The following SURF1 variants were observed in gnomAD, a reference collection of about 807,000 sequenced individuals.
SURF1 encodes surfeit locus protein 1.
Under a neutral mutation model 34.1 loss-of-function variants are expected in SURF1, and 45 were observed. The ratio of observed to expected loss-of-function variants is 1.32; its 90% CI spans 1.04 to 1.69. The LOEUF (loss-of-function observed/expected upper bound fraction) is 1.69, where lower values mean the gene tolerates loss of function less well. SURF1 is among the 40% of genes most tolerant of loss of function. SURF1 has a pLI of 0.00. For synonymous variants in SURF1, 188 were observed against 147.5 expected, an observed-to-expected ratio of 1.27 and a Z score of -1.99; for missense variants, 456 against 384.6, an observed-to-expected ratio of 1.19 and a Z score of -1.55.
At position 133,356,393 on chromosome 9, in the gene SURF1, C is replaced by T; in HGVS notation, c.54+7G>A. The T allele has an allele frequency of 7.2e-7, 1 of 1,396,938 alleles. No individual in the cohort carries two copies. The allele number at this position is 1,396,938 out of a possible 1,614,324, so 86.5% of individuals were successfully genotyped here. ...CCCGCACCCCGCACCCCGCACCCGG[C>T]GCTCACCCGTCCCAGCCCCGCCGCC... On this transcript the variant is annotated splice_region_variant and intron_variant, in intron 1 of 8. Coordinates refer to ENST00000371974, the MANE Select transcript of SURF1 (RefSeq NM_003172.4).
In SURF1 at chr9:133,352,105, G is replaced by C. The variant is rs2130004627; in HGVS notation, c.789C>G (p.Thr263=). The part of the protein sequence containing the change: ...TVPGGPIGGQ[T]RVTLRNEHLQ... ...GATGCTCGTTCCTCAGAGTAACTCTGGTTTGCCCTCCAATGGGTCCTCCAG... is the reference window on the plus strand; with the variant it reads ...GATGCTCGTTCCTCAGAGTAACTCTCGTTTGCCCTCCAATGGGTCCTCCAG... The change falls in exon 8 of 9, where the codon ACC becomes ACG. Residue 263 remains threonine (T), a synonymous_variant. Transcript: ENST00000371974. The C allele has an allele frequency of 3.1e-6, 5 of 1,609,244 alleles. No individual in the cohort carries two copies. Among genetic ancestry groups the C allele is most frequent in the East Asian group, 4.5e-5 (2 of 44,804 alleles).
intron 2 of SURF1, among the ~76,000 whole-genome samples, chr9:133,355,475 G>C (rs2130021732): frequency 1.3e-5 from 2 of 152,326 alleles, no homozygotes; most frequent in East Asian, 3.9e-4. Flanking sequence ...CTACTCGGGA[G>C]GCTGAGGCAG....
chr9:133,352,138 G>T lies in SURF1; in HGVS notation c.756C>A (p.Ser252Arg). The change falls in exon 8 of 9, where the codon AGC becomes AGA. Residue 252 changes from serine (S) to arginine (R), a missense_variant. By Grantham distance (110) the Ser-to-Arg change is moderately radical (BLOSUM62 -1). Coordinates refer to ENST00000371974, the MANE Select transcript of SURF1 (RefSeq NM_003172.4). ...EPIFIDANFQ[S>R]TVPGGPIGGQ... ...CTCCAATGGGTCCTCCAGGGACTGT[G>T]CTCTCTGTGGAGACAGCAGACTCAA... 6.3e-7 allele frequency: 1 copy of T among 1,597,700 alleles called. No individual in the cohort carries two copies. The highest frequency in any genetic ancestry group is 8.5e-7 in the Non-Finnish European group (1 of 1,171,440).
rs2130014984 is a variant in SURF1 at position 133,353,854 on chromosome 9, C to T, written c.410G>A (p.Arg137Gln). Residue 137 changes from arginine to glutamine, a missense_variant, in exon 5 of 9, where the codon CGG (arginine) becomes CAG (glutamine). By Grantham distance (43) the Arg-to-Gln change is conservative (BLOSUM62 1). Transcript: ENST00000371974. The stretch of plus-strand genomic sequence containing the variant: ...CTCCCGGACAGGGTCCACCATGGTC[C>T]GGGGCATCATATACAGCTCCTTGGA... Reference protein sequence around the residue: ...DHSKELYMMPRTMVDPVREAR... With the variant: ...DHSKELYMMPQTMVDPVREAR... 11 of 1,613,746 alleles carry T rather than the reference C, an allele frequency of 6.8e-6. No homozygotes were observed. The Admixed American group carries it at 8.3e-5, about 12-fold the overall frequency.
At position 133,354,867 on chromosome 9, in the gene SURF1, A is replaced by C; in HGVS notation, c.197T>G (p.Leu66Arg). Residue 66 changes from leucine to arginine, a missense_variant, in exon 3 of 9, where the codon CTG (leucine) becomes CGG (arginine). Leu to Arg is a moderately radical substitution (Grantham distance 102, BLOSUM62 -2). Coordinates refer to ENST00000371974, the MANE Select transcript of SURF1 (RefSeq NM_003172.4). ...AAAGGCAGTCACAGGGATGAGGAGC[A>C]GGACCCACTGAAGAAAGGAGTCATC... ...AEDDSFLQWV[L>R]LLIPVTAFGL... The C allele has an allele frequency of 6.2e-7, 1 of 1,614,070 alleles. No homozygotes were observed. Among genetic ancestry groups the C allele is most frequent in the Non-Finnish European group, 8.5e-7 (1 of 1,180,038 alleles).
Position 133,351,934 on chromosome 9 carries a change from T to G in SURF1, c.882A>C (p.Leu294=). The G allele has an allele frequency of 6.2e-7, 1 of 1,613,806 alleles. No homozygotes were observed. The highest frequency in any genetic ancestry group is 8.5e-7 in the Non-Finnish European group (1 of 1,179,938). ...TCTGTCACACACCAGGTGTCCCACG[T>G]AGGAATTTCTTAAACCACAGGTAGG... ...ATSYLWFKKF[L]RGTPGV is the part of the protein sequence containing the mutation. Residue 294 remains leucine (L), a synonymous_variant, in exon 9 of 9, where the codon CTA becomes CTC. Coordinates refer to ENST00000371974, the MANE Select transcript of SURF1 (RefSeq NM_003172.4).
At chr9:133,352,827 T>C (rs1836469311) in intron 5 of SURF1, 61 bp from the exon 6 acceptor site, 1 of 1,536,462 alleles carries the variant, frequency 6.5e-7, no homozygotes, top group African/African-American at 1.4e-5. Context: ...CAGTCACTCA[T>C]GGTCACTCAG....
intron 4 of SURF1, chr9:133,354,380 C>T: frequency 1.9e-6 from 1 of 533,014 alleles, no homozygotes; most frequent in Non-Finnish European, 3.4e-6. Flanking sequence ...GGGCCTTGGG[C>T]CCTGTGGAGG....
intron 2 of SURF1, among the ~76,000 whole-genome samples, chr9:133,355,307 A>G (rs1242578138): frequency 2.6e-5 from 4 of 152,192 alleles, no homozygotes; most frequent in East Asian, 1.9e-4. Flanking sequence ...TTGGCCGGGC[A>G]CGGTGGCTCA....
intron 4 of SURF1, chr9:133,354,318 T>C (rs1363783649): frequency 2.1e-6 from 1 of 487,204 alleles, no homozygotes; most frequent in Non-Finnish European, 3.7e-6. Context: ...CAGGGCACTT[T>C]TTCAAACGAC....
rs1836585156 is a variant in SURF1, at chr9:133,356,364, G to GCACCC, written c.54+35_54+36insGGGTG. 4.2e-6 allele frequency: 6 copies of GCACCC among 1,420,204 alleles called. No homozygotes were observed. In the African/African-American group the frequency reaches 9.5e-5, roughly 23 times the overall value. The allele number at this position is 1,420,204 out of a possible 1,614,324, so 88.0% of individuals were successfully genotyped here. On this transcript the variant is annotated intron_variant, in intron 1 of 8. Coordinates refer to ENST00000371974, the MANE Select transcript of SURF1 (RefSeq NM_003172.4). ...GGGCTGAGCTCCGGGACCCCTCCCC[G>GCACCC]CGCCCCGCACCCCGCACCCCGCACC...
chr9:133,352,234 G>A, intron 7 of SURF1, 92 bp from the exon 8 acceptor site: 1 of 1,420,744 alleles, frequency 7.0e-7, no homozygotes, highest in Non-Finnish European at 9.6e-7. Context: ...TGGCCAGTTG[G>A]AAGTCCTGTA....
Position 133,354,853 on chromosome 9 carries a change from C to A in SURF1, c.211G>T (p.Val71Leu), listed in dbSNP as rs147993882. The A allele has an allele frequency of 2.5e-5, 41 of 1,614,056 alleles. 1 individual carries two copies. Among genetic ancestry groups the A allele is most frequent in the East Asian group, 1.8e-4 (8 of 44,884 alleles). ...FLQWVLLLIP[V>L]TAFGLGTWQV... The stretch of plus-strand genomic sequence containing the variant: ...CATGTCCCCAAGCCAAAGGCAGTCA[C>A]AGGGATGAGGAGCAGGACCCACTGA... The change falls in exon 3 of 9, where the codon GTG (valine) becomes TTG (leucine). Residue 71 changes from valine to leucine, a missense_variant. Transcript: ENST00000371974.
chr9:133,354,834 C>G lies in SURF1; in HGVS notation c.230G>C (p.Gly77Ala). The change falls in exon 3 of 9, where the codon GGG becomes GCG. Residue 77 changes from glycine to alanine, a missense_variant. Physicochemically the swap from Gly to Ala is moderately conservative, Grantham distance 60. Transcript: ENST00000371974. ...GATGCCGGTCTTTACCTGCCATGTC[C>G]CCAAGCCAAAGGCAGTCACAGGGAT... is the stretch of plus-strand genomic sequence containing the variant. Reference protein sequence around the residue: ...LLIPVTAFGLGTWQVQRRKWK... With the variant: ...LLIPVTAFGLATWQVQRRKWK... 2 of 1,613,972 alleles carry G rather than the reference C, an allele frequency of 1.2e-6. No homozygotes were observed. The highest frequency in any genetic ancestry group is 1.7e-6 in the Non-Finnish European group (2 of 1,180,028).
intron 5 of SURF1, 76 bp from the exon 6 acceptor site, chr9:133,352,842 C>G (rs2130010656): frequency 1.4e-6 from 2 of 1,469,132 alleles, no homozygotes; most frequent in Non-Finnish European, 1.9e-6. Flanking sequence ...ACTCAGGCAC[C>G]CATAGGAACA....
Position 133,352,699 on chromosome 9 carries a change from C to G in SURF1, c.583G>C (p.Gly195Arg). 1.2e-6 allele frequency: 2 copies of G among 1,613,628 alleles called. No individual in the cohort carries two copies. Among genetic ancestry groups the G allele is most frequent in the Non-Finnish European group, 8.5e-7 (1 of 1,179,868 alleles). The stretch of plus-strand genomic sequence containing the variant: ...GAAGAGTCCATGTCCCTTACCTGGC[C>G]TTTCTGCCGGGTTTCAGGATTCACT... ...KKVNPETRQK[G>R]QIEGEVDLIG... Residue 195 changes from glycine (G) to arginine (R), a missense_variant, in exon 6 of 9, where the codon GGC becomes CGC. Coordinates refer to ENST00000371974, the MANE Select transcript of SURF1 (RefSeq NM_003172.4).
At position 133,352,146 on chromosome 9, in the gene SURF1, T is replaced by C; in HGVS notation, c.752-4A>G. The C allele has an allele frequency of 6.3e-7, 1 of 1,592,726 alleles. No homozygotes were observed. The highest frequency in any genetic ancestry group is 1.7e-4 in the Middle Eastern group (1 of 5,962). On this transcript the variant is annotated splice_polypyrimidine_tract_variant and splice_region_variant and intron_variant, in intron 7 of 8. Transcript: ENST00000371974. ...GGTCCTCCAGGGACTGTGCTCTCTG[T>C]GGAGACAGCAGACTCAAGTCCACCC...
At position 133,353,748 on chromosome 9, in the gene SURF1, C is replaced by G; in HGVS notation, c.515+1G>C. Reference sequence around the variant, plus strand: ...AGCCAGCTCCCACATGTCCTACTCACCCCAGGTCGGTGCAGTGGAAGGGAG... The same window carrying G: ...AGCCAGCTCCCACATGTCCTACTCAGCCCAGGTCGGTGCAGTGGAAGGGAG... On this transcript the variant is annotated splice_donor_variant, in intron 5 of 8. Coordinates refer to ENST00000371974, the MANE Select transcript of SURF1 (RefSeq NM_003172.4). LOFTEE classifies it high-confidence loss of function. 6.2e-7 allele frequency: 1 copy of G among 1,613,790 alleles called. No homozygotes were observed. Among genetic ancestry groups the G allele is most frequent in the Non-Finnish European group, 8.5e-7 (1 of 1,180,034 alleles).
intron 2 of SURF1, 153 bp downstream of exon 2, chr9:133,356,116 G>T: frequency 9.7e-7 from 1 of 1,031,026 alleles, no homozygotes; most frequent in Non-Finnish European, 1.4e-6. Flanking sequence ...TCCACTGAAA[G>T]CATTTTAATA....
Sources: allele counts gnomAD v4.1 joint callset (sites outside exome capture counted in the v4.1 genomes callset), GRCh38; gene constraint gnomAD v4.1.1; transcripts MANE v1.5; gene names NCBI Gene and HGNC (gene_info 2026-07-23, HGNC 2026-07-21).